The following CAST variants were observed in gnomAD, a reference collection of about 807,000 sequenced individuals.
CAST encodes calpastatin.
Under a neutral mutation model 119.6 loss-of-function variants are expected in CAST, and 76 were observed. That is an observed-to-expected ratio of 0.64 (90% CI 0.53 to 0.77). The LOEUF (loss-of-function observed/expected upper bound fraction) is 0.77. Among genes scored for constraint, CAST ranks in the 30% least tolerant of loss-of-function variants. The probability of loss-of-function intolerance (pLI) is 0.00; values close to 1 mark genes in which losing one functional copy is unlikely to be tolerated. For synonymous variants in CAST, 319 were observed against 331.6 expected (o/e 0.96, Z 0.41); for missense variants, 953 against 946.5 (o/e 1.01, Z -0.09).
At chr5:96,106,090 A>T in the CAST span, among the ~76,000 whole-genome samples, 1 of 151,842 alleles carries the variant, frequency 6.6e-6, no homozygotes. Context: ...TATCCCCTTT[A>T]TCATTTTGTA....
chr5:96,448,508 C>T, the CAST span, among the ~76,000 whole-genome samples: 1 of 152,100 alleles, frequency 6.6e-6, no homozygotes, highest in African/African-American at 2.4e-5. Flanking sequence ...GTTTCCGTGC[C>T]CCCTATTGAC....
At chr5:96,547,367 G>A (rs553047611) in intron 1 of CAST, among the ~76,000 whole-genome samples, 1 of 152,168 alleles carries the variant, frequency 6.6e-6, no homozygotes, top group Non-Finnish European at 1.5e-5. Context: ...GAAGGAAGGA[G>A]GGTGCCACTT....
At chr5:96,056,913 T>C in the CAST span, among the ~76,000 whole-genome samples, 2 of 152,168 alleles carry the variant, frequency 1.3e-5, no homozygotes, top group African/African-American at 4.8e-5. Flanking sequence ...GCTTGGACAC[T>C]ATTACAAAAA....
the CAST span, among the ~76,000 whole-genome samples, chr5:96,425,021 A>C: frequency 1.6e-5 from 1 of 63,484 alleles, no homozygotes; most frequent in Non-Finnish European, 3.5e-5. Context: ...AGAAAGAAAG[A>C]AAGAAAGAAA....
the CAST span, among the ~76,000 whole-genome samples, chr5:96,154,791 A>C: frequency 6.6e-6 from 1 of 152,232 alleles, no homozygotes; most frequent in Admixed American, 6.5e-5. Flanking sequence ...ATAGGATTTT[A>C]GAGTTGAAGA....
chr5:95,977,669 G>A, the CAST span, among the ~76,000 whole-genome samples: 14 of 151,544 alleles, frequency 9.2e-5, no homozygotes, highest in Non-Finnish European at 5.9e-5. Context: ...TTTTTTTTAA[G>A]TTCAGGGGTA....
the CAST span, among the ~76,000 whole-genome samples, chr5:96,482,298 G>A: frequency 6.6e-6 from 1 of 151,824 alleles, no homozygotes; most frequent in African/African-American, 2.4e-5. Flanking sequence ...TACATGGTTA[G>A]TTGCCATGAA....
intron 3 of CAST, among the ~76,000 whole-genome samples, chr5:96,716,934 C>T (rs1186550476): frequency 1.3e-5 from 2 of 152,078 alleles, no homozygotes; most frequent in Admixed American, 6.5e-5. Context: ...CATGGAGTCC[C>T]GGCCACTTAG....
intron 1 of CAST, among the ~76,000 whole-genome samples, chr5:96,544,570 G>A (rs1745970811): frequency 6.6e-6 from 1 of 151,260 alleles, no homozygotes; most frequent in African/African-American, 2.4e-5. Flanking sequence ...GATTAGATTA[G>A]TTGTAAATTT....
chr5:96,335,942 AC>A, the CAST span, among the ~76,000 whole-genome samples: 2 of 151,656 alleles, frequency 1.3e-5, no homozygotes, highest in Non-Finnish European at 2.9e-5. Context: ...TACCACCACT[AC>A]CCTATCTCAA....
chr5:96,514,374 C>T, the CAST span, among the ~76,000 whole-genome samples: 1 of 152,146 alleles, frequency 6.6e-6, no homozygotes, highest in Non-Finnish European at 1.5e-5. Flanking sequence ...GCAGGCATAA[C>T]TCTGTCTATT....
chr5:96,621,725 A>G (rs997219943), intron 1 of CAST, among the ~76,000 whole-genome samples: 4 of 152,178 alleles, frequency 2.6e-5, no homozygotes, highest in African/African-American at 9.7e-5. Flanking sequence ...GAGCCAAACC[A>G]TATCAGCAGG....
chr5:96,465,633 C>T, the CAST span, among the ~76,000 whole-genome samples: 1 of 152,214 alleles, frequency 6.6e-6, no homozygotes, highest in African/African-American at 2.4e-5. Context: ...ATTTTCATCA[C>T]CTTAAACATT....
chr5:96,755,780 T>C lies in CAST; in HGVS notation c.1710+1039T>C, dbSNP rs1766169602. Among the ~76,000 whole-genome samples, 3 of 152,252 alleles carry C rather than the reference T, an allele frequency of 2.0e-5. No homozygotes were observed. The South Asian group carries it at 6.2e-4, about 31-fold the overall frequency. On this transcript the variant is annotated intron_variant, in intron 22 of 31. Coordinates refer to ENST00000675179, the MANE Select transcript of CAST (RefSeq NM_001750.7). ...TCTGGAAACCTTTATATTTGCTTCC[T>C]GAGTTTTACAATTCAGTTGCAGCCA...
intron 1 of CAST, among the ~76,000 whole-genome samples, chr5:96,617,582 G>T (rs898839433): frequency 1.3e-5 from 2 of 151,848 alleles, no homozygotes; most frequent in Non-Finnish European, 2.9e-5. Context: ...AAGGTCAGGA[G>T]ATCGAGACCA....
At chr5:96,719,128 C>T (rs923657440) in intron 3 of CAST, among the ~76,000 whole-genome samples, 2 of 152,076 alleles carry the variant, frequency 1.3e-5, no homozygotes, top group Non-Finnish European at 2.9e-5. Flanking sequence ...TGGATGAGCC[C>T]GCATCCTAGG....
chr5:96,734,134 T>C (rs1561543510), intron 9 of CAST, among the ~76,000 whole-genome samples: 1 of 152,230 alleles, frequency 6.6e-6, no homozygotes, highest in Admixed American at 6.5e-5. Context: ...GGATTGCAGG[T>C]GTTGAAAAGT....
chr5:96,305,029 A>G, the CAST span, among the ~76,000 whole-genome samples: 2 of 152,268 alleles, frequency 1.3e-5, no homozygotes, highest in East Asian at 3.9e-4. Flanking sequence ...GAATCTATAA[A>G]TTACTTTGGG....
intron 1 of CAST, among the ~76,000 whole-genome samples, chr5:96,633,433 A>G (rs1747847219): frequency 6.6e-6 from 1 of 152,182 alleles, no homozygotes; most frequent in Non-Finnish European, 1.5e-5. Flanking sequence ...TTCTTTTGTT[A>G]AATATTTTTT....
Sources: gnomAD v4.1 joint callset for allele counts (sites outside exome capture counted in the v4.1 genomes callset) on GRCh38, gnomAD v4.1.1 for gene constraint, MANE v1.5 for transcripts, NCBI Gene and HGNC (gene_info 2026-07-23, HGNC 2026-07-21) for gene names.